The following PPHLN1 variants were observed in gnomAD, a reference collection of about 807,000 sequenced individuals.
PPHLN1 encodes the protein periphilin 1.
A neutral mutation model predicts 51.3 loss-of-function variants in PPHLN1; 29 were observed. That is an observed-to-expected ratio of 0.57 (90% CI 0.42 to 0.77). The LOEUF (loss-of-function observed/expected upper bound fraction) is 0.77, where lower values mean the gene tolerates loss of function less well. PPHLN1 is among the 30% of genes least tolerant of loss of function. The probability of loss-of-function intolerance (pLI) is 0.00; values close to 1 mark genes in which losing one functional copy is unlikely to be tolerated. For synonymous variants in PPHLN1, 147 were observed against 147.8 expected (o/e 0.99, Z 0.04); for missense variants, 436 against 438.4 (o/e 0.99, Z 0.05).
intron 9 of PPHLN1, among the ~76,000 whole-genome samples, chr12:42,421,846 A>T (rs1051519792): frequency 1.3e-5 from 2 of 151,944 alleles, no homozygotes; most frequent in Admixed American, 6.6e-5. Flanking sequence ...TATACTGGGA[A>T]GGTTGGAGTT....
At chr12:42,427,021 C>T (rs1329468651) in intron 9 of PPHLN1, among the ~76,000 whole-genome samples, 1 of 151,502 alleles carries the variant, frequency 6.6e-6, no homozygotes, top group Non-Finnish European at 1.5e-5. Context: ...GTGCAGGTTT[C>T]TCAAACCAAT....
chr12:42,341,564 A>G (rs1307421013), intron 2 of PPHLN1, among the ~76,000 whole-genome samples: 1 of 152,202 alleles, frequency 6.6e-6, no homozygotes, highest in East Asian at 1.9e-4. Context: ...CTCAATATAC[A>G]GCTTAACAAA....
In PPHLN1 at chr12:42,374,923, G is replaced by T; in HGVS notation, c.360G>T (p.Arg120=). 1 of 1,613,708 alleles carries T rather than the reference G, an allele frequency of 6.2e-7. No homozygotes were observed. Among genetic ancestry groups the T allele is most frequent in the Non-Finnish European group, 8.5e-7 (1 of 1,179,942 alleles). Residue 120 remains arginine, a synonymous_variant, in exon 5 of 10, where the codon CGG becomes CGT. Transcript: ENST00000358314. The part of the protein sequence containing the change: ...SFYSSHYARE[R]SPYKRDNTFF... ...ACTCTTCCCATTATGCGAGAGAGCG[G>T]TCTCCTTATAAAAGGGACAATACTT...
intron 9 of PPHLN1, among the ~76,000 whole-genome samples, chr12:42,437,331 C>G (rs914704097): frequency 2.6e-5 from 4 of 152,194 alleles, no homozygotes; most frequent in Admixed American, 2.6e-4. Context: ...TCTCCTCTTT[C>G]CATCATCATC....
chr12:42,390,283 G>GCA (rs1329936684), intron 7 of PPHLN1, among the ~76,000 whole-genome samples: 1 of 152,146 alleles, frequency 6.6e-6, no homozygotes, highest in East Asian at 1.9e-4. Flanking sequence ...ATTTTGAATA[G>GCA]CAAAGACCAA....
chr12:42,425,036 T>TGTA (rs752533964), intron 9 of PPHLN1, among the ~76,000 whole-genome samples: 8 of 104,676 alleles, frequency 7.6e-5, no homozygotes, highest in South Asian at 3.3e-4. Context: ...TTTTATTTTA[T>TGTA]TTTATGTATG....
At chr12:42,446,780 C>A, downstream of PPHLN1, 1 of 800,362 alleles carries the variant, frequency 1.2e-6, no homozygotes, top group Non-Finnish European at 1.9e-6. Context: ...TCCAAAGCTT[C>A]AGGAGAGAAT....
At chr12:42,412,583 C>T (rs781458663) in intron 9 of PPHLN1, among the ~76,000 whole-genome samples, 9 of 151,906 alleles carry the variant, frequency 5.9e-5, no homozygotes, top group Middle Eastern at 3.4e-3. Flanking sequence ...TTTTTCCTTC[C>T]GTATTGTATA....
At chr12:42,406,139 A>G (rs937690376) in intron 9 of PPHLN1, among the ~76,000 whole-genome samples, 2 of 146,016 alleles carry the variant, frequency 1.4e-5, no homozygotes, top group Non-Finnish European at 3.0e-5. Flanking sequence ...ATTGGAGTGC[A>G]GTGGTGCGTT....
At chr12:42,424,746 A>C (rs546381880) in intron 9 of PPHLN1, among the ~76,000 whole-genome samples, 1 of 152,312 alleles carries the variant, frequency 6.6e-6, no homozygotes, top group South Asian at 2.1e-4. Flanking sequence ...TATGGCATAC[A>C]TTTTGAAAGT....
At chr12:42,381,896 A>T (rs910905441) in intron 5 of PPHLN1, among the ~76,000 whole-genome samples, 1 of 152,138 alleles carries the variant, frequency 6.6e-6, no homozygotes, top group Non-Finnish European at 1.5e-5. Flanking sequence ...TGAGACTTGC[A>T]CTCAAATATA....
chr12:42,345,527 C>A (rs1264916922), intron 2 of PPHLN1, among the ~76,000 whole-genome samples: 1 of 151,396 alleles, frequency 6.6e-6, no homozygotes, highest in Non-Finnish European at 1.5e-5. Context: ...CCAATAAATT[C>A]TATGCATATT....
At chr12:42,440,195 A>G (rs767765071) in intron 9 of PPHLN1, among the ~76,000 whole-genome samples, 35 of 151,292 alleles carry the variant, frequency 2.3e-4, no homozygotes, top group Non-Finnish European at 4.9e-4. Flanking sequence ...TAAATCTTGT[A>G]TATATTTTGT....
At chr12:42,446,562 T>C, downstream of PPHLN1, 1 of 1,611,874 alleles carries the variant, frequency 6.2e-7, no homozygotes, top group Non-Finnish European at 8.5e-7. Flanking sequence ...ATTATACTCA[T>C]GTTTGTCTCT....
chr12:42,397,626 C>G (rs958010336), intron 8 of PPHLN1, among the ~76,000 whole-genome samples: 13 of 152,032 alleles, frequency 8.6e-5, no homozygotes, highest in Admixed American at 8.5e-4. Context: ...ACACCAGTGA[C>G]TGGGCAATTT....
At chr12:42,413,516 A>G (rs1366808317) in intron 9 of PPHLN1, among the ~76,000 whole-genome samples, 1 of 142,500 alleles carries the variant, frequency 7.0e-6, no homozygotes, top group Non-Finnish European at 1.5e-5. Flanking sequence ...TGATAACTAT[A>G]TATATGTATA....
At chr12:42,362,498 C>T (rs1028657660) in intron 4 of PPHLN1, among the ~76,000 whole-genome samples, 2 of 152,116 alleles carry the variant, frequency 1.3e-5, no homozygotes, top group African/African-American at 4.8e-5. Flanking sequence ...TCTTTGGTCA[C>T]CTCTTTCTGA....
chr12:42,341,470 AT>A (rs2071488568), intron 2 of PPHLN1, among the ~76,000 whole-genome samples: 1 of 152,188 alleles, frequency 6.6e-6, no homozygotes, highest in African/African-American at 2.4e-5. Flanking sequence ...TCTAGCCTTG[AT>A]AAACCTGAAA....
At chr12:42,442,418 AG>A (rs2083035551), downstream of PPHLN1, among the ~76,000 whole-genome samples, 1 of 152,208 alleles carries the variant, frequency 6.6e-6, no homozygotes, top group African/African-American at 2.4e-5. Context: ...ACCCTTGATC[AG>A]TGCAAGACTG....
Sources: allele counts gnomAD v4.1 joint callset (sites outside exome capture counted in the v4.1 genomes callset), GRCh38; gene constraint gnomAD v4.1.1; transcripts MANE v1.5; gene names NCBI Gene and HGNC (gene_info 2026-07-23, HGNC 2026-07-21).